The following MRS2 variants were observed in gnomAD, a reference collection of about 807,000 sequenced individuals.
MRS2 encodes magnesium transporter MRS2, also known as magnesium transporter MRS2 homolog, mitochondrial.
A neutral mutation model predicts 52.6 loss-of-function variants in MRS2; 40 were observed. The ratio of observed to expected loss-of-function variants is 0.76; its 90% CI spans 0.59 to 0.99. MRS2 has a LOEUF of 0.99. Ranked by LOEUF, MRS2 falls within the 50% of genes least tolerant of loss-of-function variation. MRS2 has a pLI of 0.00. For synonymous variants in MRS2, 193 were observed against 195.9 expected, an observed-to-expected ratio of 0.98 and a Z score of 0.13; for missense variants, 472 against 532.7, an observed-to-expected ratio of 0.89 and a Z score of 1.12.
chr6:24,418,350 ATTATT>A (rs878947070), intron 8 of MRS2, 106 bp from the exon 9 acceptor site: 14 of 1,246,804 alleles, frequency 1.1e-5, no homozygotes, highest in East Asian at 2.6e-5. Flanking sequence ...CTACATTATT[ATTATT>A]TTTTTTGTTG....
At chr6:24,414,564 A>G (rs895175662) in intron 5 of MRS2, among the ~76,000 whole-genome samples, 3 of 152,144 alleles carry the variant, frequency 2.0e-5, no homozygotes, top group Non-Finnish European at 2.9e-5. Context: ...ACACAGACAC[A>G]GTAACAATCT....
rs767647713 is a variant in MRS2 at position 24,403,217 on chromosome 6, C to G, written c.171C>G (p.Pro57=). 6.3e-7 allele frequency: 1 copy of G among 1,598,388 alleles called. No homozygotes were observed. Among genetic ancestry groups the G allele is most frequent in the Non-Finnish European group, 8.5e-7 (1 of 1,178,444 alleles). The change falls in exon 1 of 11, where the codon CCC becomes CCG. Residue 57 remains proline (P), a synonymous_variant. Coordinates refer to ENST00000378386, the MANE Select transcript of MRS2 (RefSeq NM_020662.4). ...GRSRAAQLCG[P]DRLRVAGEVH... ...GCCGAGCGGCGCAGCTTTGCGGGCC[C>G]GACCGGCTCCGCGTGGCAGGTACTG...
chr6:24,415,850 G>GT (rs1181730538), intron 6 of MRS2, among the ~76,000 whole-genome samples: 3 of 152,142 alleles, frequency 2.0e-5, no homozygotes, highest in African/African-American at 7.2e-5. Flanking sequence ...TTTTGTGGGT[G>GT]TTTTTGAGAC....
chr6:24,422,041 CA>C (rs1362010827), intron 9 of MRS2, among the ~76,000 whole-genome samples: 30 of 152,010 alleles, frequency 2.0e-4, no homozygotes, highest in Admixed American at 1.6e-3. Context: ...CCCAGCTACT[CA>C]GGGGGGCCGA....
intron 1 of MRS2, among the ~76,000 whole-genome samples, chr6:24,404,431 T>C (rs1761392524): frequency 6.6e-6 from 1 of 152,222 alleles, no homozygotes; most frequent in African/African-American, 2.4e-5. Context: ...ATTACAACAA[T>C]CATTACGTGT....
intron 2 of MRS2, among the ~76,000 whole-genome samples, chr6:24,406,036 C>T (rs1340717212): frequency 6.9e-6 from 1 of 144,470 alleles, no homozygotes; most frequent in African/African-American, 2.6e-5. Flanking sequence ...ACCCAGGAGG[C>T]GGAGCTTGCA....
chr6:24,412,886 T>C (rs576202246), intron 5 of MRS2, among the ~76,000 whole-genome samples: 6 of 152,270 alleles, frequency 3.9e-5, no homozygotes, highest in African/African-American at 1.4e-4. Flanking sequence ...TAAGTCAGGA[T>C]GGTACTGTTC....
intron 9 of MRS2, among the ~76,000 whole-genome samples, chr6:24,422,124 T>C (rs933294266): frequency 4.6e-5 from 7 of 152,080 alleles, no homozygotes; most frequent in Non-Finnish European, 8.8e-5. Context: ...GACTCCATCC[T>C]GGGTGAAGAG....
In MRS2 at chr6:24,419,677, T is replaced by C. The variant is rs1761977097; in HGVS notation, c.1107+1099T>C. Among the ~76,000 whole-genome samples, 4 of 151,788 alleles carry C rather than the reference T, an allele frequency of 2.6e-5. No homozygotes were observed. The South Asian group carries it at 8.3e-4, about 31-fold the overall frequency. ...TCTACTGCTCTGTTGCCTTTCTGTA[T>C]TAAGATAATACTTAACTCCCAGAGT... On this transcript the variant is annotated intron_variant, in intron 9 of 10. Coordinates refer to ENST00000378386, the MANE Select transcript of MRS2 (RefSeq NM_020662.4).
At chr6:24,414,360 GC>G (rs1561810598) in intron 5 of MRS2, among the ~76,000 whole-genome samples, 2 of 150,782 alleles carry the variant, frequency 1.3e-5, no homozygotes, top group African/African-American at 5.0e-5. Flanking sequence ...CTCTTAACGA[GC>G]ATGCTGCCTT....
chr6:24,415,103 A>T lies in MRS2; in HGVS notation c.659A>T (p.Asp220Val), dbSNP rs758002732. ...CTTGAGACCTTGGATGCTTTGGTGG[A>T]CCCCAAACATTCTTCTGTAGACAGA... ...LILETLDALV[D>V]PKHSSVDRSK... Residue 220 changes from aspartate (D) to valine (V), a missense_variant, in exon 6 of 11, where the codon GAC becomes GTC. By Grantham distance (152) the Asp-to-Val change is radical. Coordinates refer to ENST00000378386, the MANE Select transcript of MRS2 (RefSeq NM_020662.4). The T allele has an allele frequency of 3.1e-6, 5 of 1,611,660 alleles. No individual in the cohort carries two copies. The highest frequency in any genetic ancestry group is 4.2e-6 in the Non-Finnish European group (5 of 1,178,240).
intron 1 of MRS2, among the ~76,000 whole-genome samples, 197 bp downstream of exon 1, chr6:24,403,433 C>T (rs1761356187): frequency 6.6e-6 from 1 of 152,238 alleles, no homozygotes; most frequent in Non-Finnish European, 1.5e-5. Context: ...TTGCTATGTG[C>T]GCTGTGCCCT....
rs918858236 is a variant in MRS2, at chr6:24,416,520, A to G, written c.836+7A>G. On this transcript the variant is annotated splice_region_variant and intron_variant, in intron 7 of 10. Coordinates refer to ENST00000378386, the MANE Select transcript of MRS2 (RefSeq NM_020662.4). ...GGAGTGACCCACAAGTCTTGTAAGT[A>G]TATAATTATACTTTGTTATTTATTT... 1 of 1,305,608 alleles carries G rather than the reference A, an allele frequency of 7.7e-7. No individual in the cohort carries two copies. 80.9% of individuals were successfully genotyped at this position (1,305,608 alleles called of 1,614,324 possible). A position where few individuals can be genotyped will look rare whatever the true frequency, so the allele number is the denominator to read the frequency against.
At chr6:24,409,681 A>G in intron 4 of MRS2, 108 bp downstream of exon 4, 1 of 647,410 alleles carries the variant, frequency 1.5e-6, no homozygotes, top group Non-Finnish European at 2.6e-6. Context: ...GAATAGAAAT[A>G]GCTACCTGAA....
intron 9 of MRS2, among the ~76,000 whole-genome samples, chr6:24,420,459 T>C (rs1428098329): frequency 6.6e-6 from 1 of 152,242 alleles, no homozygotes; most frequent in Admixed American, 6.5e-5. Context: ...AGGAAATACA[T>C]GTGTTCATTC....
intron 4 of MRS2, chr6:24,410,790 A>G (rs78721070): frequency 0.14 from 212,350 of 1,506,622 alleles, 16,366 homozygotes; most frequent in Middle Eastern, 0.16. Context: ...TTTCATGGAG[A>G]GACAGACAGG....
intron 3 of MRS2, 117 bp from the exon 4 acceptor site, chr6:24,409,344 T>G: frequency 3.6e-6 from 2 of 552,342 alleles, no homozygotes; most frequent in Non-Finnish European, 6.4e-6. Flanking sequence ...AATTTTAGTT[T>G]TTGTTTCTGG....
At chr6:24,405,356 T>C in intron 2 of MRS2, 115 bp downstream of exon 2, 3 of 744,890 alleles carry the variant, frequency 4.0e-6, no homozygotes, top group South Asian at 1.6e-5. Context: ...TCATCATAGC[T>C]ACATGTCGTG....
In MRS2 at chr6:24,422,937, G is replaced by A. The variant is rs941382165; in HGVS notation, c.1108G>A (p.Asp370Asn). 1.9e-6 allele frequency: 3 copies of A among 1,609,472 alleles called. No homozygotes were observed. Among genetic ancestry groups the A allele is most frequent in the Non-Finnish European group, 2.6e-6 (3 of 1,176,210 alleles). ...GMNLESSLEE[D>N]HRIFWLITGI... ...GGAAATGAACTGTGTTCTCTTTTAG[G>A]ACCATAGAATTTTTTGGCTGATTAC... Residue 370 changes from aspartate to asparagine, a missense_variant and splice_region_variant, in exon 10 of 11, where the codon GAC becomes AAC. Asp to Asn is a conservative substitution (Grantham distance 23). Coordinates refer to ENST00000378386, the MANE Select transcript of MRS2 (RefSeq NM_020662.4).
Sources: allele counts gnomAD v4.1 joint callset (sites outside exome capture counted in the v4.1 genomes callset), GRCh38; gene constraint gnomAD v4.1.1; transcripts MANE v1.5; gene names NCBI Gene and HGNC (gene_info 2026-07-23, HGNC 2026-07-21).